The following RNF213 variants were observed in gnomAD, a reference collection of about 807,000 sequenced individuals.
The protein encoded by RNF213 is ring finger protein 213.
A neutral mutation model predicts 514.4 loss-of-function variants in RNF213; 341 were observed. The ratio of observed to expected loss-of-function variants is 0.66; its 90% confidence interval spans 0.61 to 0.73. The LOEUF (loss-of-function observed/expected upper bound fraction) is 0.73. Ranked by LOEUF, RNF213 falls within the 30% of genes least tolerant of loss-of-function variation. The pLI, the probability that RNF213 is intolerant of heterozygous loss-of-function variation, is 0.00. For synonymous variants in RNF213, 2,655 were observed against 2,658.2 expected (o/e 1.00, Z 0.04); for missense variants, 5,767 against 6,615.6 (o/e 0.87, Z 4.45).
In RNF213 at chr17:80,297,227, G is replaced by A. The variant is rs1463000303; in HGVS notation, c.2013-1094G>A. Among the ~76,000 whole-genome samples the A allele has an allele frequency of 4.6e-5, 7 of 151,738 alleles. No individual in the cohort carries two copies. In the East Asian group the frequency reaches 1.4e-3, roughly 30 times the overall value. On this transcript the variant is annotated intron_variant, in intron 10 of 67. Coordinates refer to ENST00000582970, the MANE Select transcript of RNF213 (RefSeq NM_001256071.3). ...AGCACTTTGGGAGGTCGAGGCAGGC[G>A]GATCACAAGGTCAGGAGTTCGAGAC...
Position 80,395,941 on chromosome 17 carries a change from A to C in RNF213, c.*2443A>C, listed in dbSNP as rs542619576. The C allele has an allele frequency of 6.6e-6, 1 of 152,346 alleles. No homozygotes were observed. Among genetic ancestry groups the C allele is most frequent in the Non-Finnish European group, 1.5e-5 (1 of 68,114 alleles). 9.4% of individuals were successfully genotyped at this position (152,346 alleles called of 1,614,324 possible). A position where few individuals can be genotyped will look rare whatever the true frequency, so the allele number is the denominator to read the frequency against. On this transcript the variant is annotated 3_prime_UTR_variant, in exon 68 of 68. Coordinates refer to ENST00000582970, the MANE Select transcript of RNF213 (RefSeq NM_001256071.3). ...CCGTTTCCGCCATGGATGCCTCATC[A>C]CCAACCCTGACCTTCCCCCTCCCAA...
Position 80,340,107 on chromosome 17 carries a change from A to C in RNF213, c.5740A>C (p.Asn1914His), listed in dbSNP as rs977417738. Residue 1914 changes from asparagine to histidine, a missense_variant, in exon 26 of 68, where the codon AAT (asparagine) becomes CAT (histidine). Physicochemically the swap from Asn to His is moderately conservative, Grantham distance 68 (BLOSUM62 1). Coordinates refer to ENST00000582970, the MANE Select transcript of RNF213 (RefSeq NM_001256071.3). The stretch of plus-strand genomic sequence containing the variant: ...ACGCCAAGCGGAGGAGCTTTTCCAC[A>C]ATCTGTGCACGCAGCAGCACCGAGA... Reference protein sequence around the residue: ...VARQAEELFHNLCTQQHREDY... With the variant: ...VARQAEELFHHLCTQQHREDY... The C allele has an allele frequency of 8.7e-6, 14 of 1,611,940 alleles. No individual in the cohort carries two copies. The highest frequency in any genetic ancestry group is 1.2e-5 in the Non-Finnish European group (14 of 1,179,674).
rs2079788572 is a variant in RNF213 at position 80,377,025 on chromosome 17, A to G, written c.13510+62A>G. On this transcript the variant is annotated intron_variant, in intron 53 of 67. Transcript: ENST00000582970. This position sits in a 1 kb window ranked among gnomAD's most constrained non-coding sequence, Gnocchi z 4.1. ...GAGCTTCAAAGGGTGTCCAGATGCTATGAAGCATTGGGTTCGACTTGGGGT... is the reference window on the plus strand; with the variant it reads ...GAGCTTCAAAGGGTGTCCAGATGCTGTGAAGCATTGGGTTCGACTTGGGGT... 2 of 1,330,726 alleles carry G rather than the reference A, an allele frequency of 1.5e-6. No homozygotes were observed. Among genetic ancestry groups the G allele is most frequent in the Non-Finnish European group, 2.1e-6 (2 of 930,736 alleles). The allele number at this position is 1,330,726 out of a possible 1,614,324, so 82.4% of individuals were successfully genotyped here. A position where few individuals can be genotyped will look rare whatever the true frequency, so the allele number is the denominator to read the frequency against.
At chr17:80,282,752 A>C (rs2044344401) in intron 3 of RNF213, among the ~76,000 whole-genome samples, 1 of 151,970 alleles carries the variant, frequency 6.6e-6, no homozygotes, top group Admixed American at 6.6e-5. Context: ...GCTGGAGTGC[A>C]GTGGTGCAAT....
At chr17:80,368,502 A>C (rs2079373712) in intron 44 of RNF213, among the ~76,000 whole-genome samples, 1 of 147,184 alleles carries the variant, frequency 6.8e-6, no homozygotes. Flanking sequence ...GCACGATCTC[A>C]GCTCACTGCA....
rs139902431 is a variant in RNF213, at chr17:80,345,328, T to C, written c.6993T>C (p.Asp2331=). Residue 2331 remains aspartate (D), a synonymous_variant, in exon 29 of 68, where the codon GAT becomes GAC. Coordinates refer to ENST00000582970, the MANE Select transcript of RNF213 (RefSeq NM_001256071.3). The surrounding 1 kb of genome is among the most constrained non-coding windows in gnomAD (Gnocchi z 6.0). ...HLQPNINGSV[D]AISHLTGKVI... Reference sequence around the variant, plus strand: ...AGCCCAACATCAACGGCAGTGTCGATGCCATCAGTCACTTGACTGGGAAGG... The same window carrying C: ...AGCCCAACATCAACGGCAGTGTCGACGCCATCAGTCACTTGACTGGGAAGG... 5.4e-5 allele frequency: 87 copies of C among 1,614,132 alleles called. No homozygotes were observed. The African/African-American group carries it at 1.1e-3, about 21-fold the overall frequency.
intron 37 of RNF213, among the ~76,000 whole-genome samples, chr17:80,359,578 G>T (rs555296162): frequency 7.2e-6 from 1 of 139,670 alleles, no homozygotes; most frequent in Non-Finnish European, 1.5e-5. Context: ...GGAGACAGAA[G>T]GAAGAAAGAG....
At chr17:80,388,574 G>T (rs1402715897) in intron 63 of RNF213, 38 bp from the exon 64 acceptor site, 1 of 1,338,446 alleles carries the variant, frequency 7.5e-7, no homozygotes, top group South Asian at 1.2e-5. Context: ...GTCCACGATG[G>T]ATTTAATTTT....
chr17:80,361,014 C>A (rs7503559), intron 38 of RNF213, among the ~76,000 whole-genome samples: 14,808 of 152,112 alleles, frequency 0.097, 1,187 homozygotes, highest in African/African-American at 0.22. Context: ...TTCTGGCTTG[C>A]ATGCTCTGTG....
intron 63 of RNF213, 56 bp from the exon 64 acceptor site, chr17:80,388,556 C>A: frequency 8.5e-7 from 1 of 1,174,976 alleles, no homozygotes; most frequent in Non-Finnish European, 1.3e-6. Flanking sequence ...TTGTCATCTG[C>A]TGGAAATGTC....
chr17:80,290,004 G>A (rs1378185982), intron 6 of RNF213, among the ~76,000 whole-genome samples, 167 bp downstream of exon 6: 1 of 152,194 alleles, frequency 6.6e-6, no homozygotes, highest in African/African-American at 2.4e-5. Flanking sequence ...AGGGGGGTGG[G>A]CACCTGTGCC....
Position 80,353,716 on chromosome 17 carries a change from G to A in RNF213, c.10578+50G>A. ...CCCTTGTGCTGCTGGTGATGCTTCTGAGCTGCATCTTTAAACGCTTTTGCA... is the reference window on the plus strand; with the variant it reads ...CCCTTGTGCTGCTGGTGATGCTTCTAAGCTGCATCTTTAAACGCTTTTGCA... On this transcript the variant is annotated intron_variant, in intron 34 of 67. Coordinates refer to ENST00000582970, the MANE Select transcript of RNF213 (RefSeq NM_001256071.3). This position sits in a 1 kb window ranked among gnomAD's most constrained non-coding sequence, Gnocchi z 5.0. 2 of 1,611,692 alleles carry A rather than the reference G, an allele frequency of 1.2e-6. No individual in the cohort carries two copies.
chr17:80,372,069 C>T (rs1316740848), intron 47 of RNF213, 84 bp downstream of exon 47: 2 of 837,140 alleles, frequency 2.4e-6, no homozygotes, highest in East Asian at 2.5e-5. Context: ...TAATTTTAGT[C>T]AGTATAATTA....
chr17:80,387,436 T>C (rs1666330019), intron 63 of RNF213, among the ~76,000 whole-genome samples: 1 of 152,222 alleles, frequency 6.6e-6, no homozygotes, highest in African/African-American at 2.4e-5. Flanking sequence ...TACCAGTTAA[T>C]GGCACCACCA....
At chr17:80,304,658 A>T (rs575624537) in intron 11 of RNF213, among the ~76,000 whole-genome samples, 81 of 146,392 alleles carry the variant, frequency 5.5e-4, no homozygotes, top group African/African-American at 2.1e-3. Context: ...AAATAAATAA[A>T]TAATAATAAT....
In RNF213 at chr17:80,357,408, T is replaced by C. The variant is rs186460768; in HGVS notation, c.10863-880T>C. On this transcript the variant is annotated intron_variant, in intron 36 of 67. Coordinates refer to ENST00000582970, the MANE Select transcript of RNF213 (RefSeq NM_001256071.3). Reference sequence around the variant, plus strand: ...CCACCCATCTGTCCGTCCGCCCATCTATCCATCCACCTGTCTATCAGACAC... The same window carrying C: ...CCACCCATCTGTCCGTCCGCCCATCCATCCATCCACCTGTCTATCAGACAC... Among the ~76,000 whole-genome samples, 23 of 152,312 alleles carry C rather than the reference T, an allele frequency of 1.5e-4. No individual in the cohort carries two copies. In the East Asian group the frequency reaches 4.2e-3, roughly 28 times the overall value.
intron 17 of RNF213, among the ~76,000 whole-genome samples, chr17:80,322,604 AG>A (rs2046176992): frequency 1.3e-5 from 2 of 152,078 alleles, no homozygotes; most frequent in Admixed American, 6.6e-5. Context: ...TCGTAGAGAC[AG>A]GGTCTTGAGA....
chr17:80,355,317 G>A (rs1341481321), intron 36 of RNF213: 5 of 451,468 alleles, frequency 1.1e-5, no homozygotes, highest in African/African-American at 6.3e-5. Context: ...GGAAGAAGCG[G>A]GGTGAACGGT....
intron 13 of RNF213, among the ~76,000 whole-genome samples, chr17:80,308,812 G>C (rs1054666203): frequency 1.3e-5 from 2 of 152,176 alleles, no homozygotes; most frequent in Non-Finnish European, 2.9e-5. Flanking sequence ...TGAGACTACA[G>C]AGACAAAACA....
Sources: gnomAD v4.1 joint callset for allele counts (sites outside exome capture counted in the v4.1 genomes callset) on GRCh38, gnomAD v4.1.1 for gene constraint, Gnocchi (gnomAD v3.1) non-coding constraint, MANE v1.5 for transcripts, NCBI Gene and HGNC (gene_info 2026-07-23, HGNC 2026-07-21) for gene names.